TLN2: variants seen among roughly 807,000 people sequenced by gnomAD.
The protein encoded by TLN2 is talin-2.
TLN2 carries 118 observed loss-of-function variants against 294.7 expected under a neutral mutation model. That is an observed-to-expected ratio of 0.40 (90% confidence interval 0.34 to 0.47). The LOEUF (loss-of-function observed/expected upper bound fraction) is 0.47. TLN2 is among the 20% of genes least tolerant of loss of function. TLN2 has a pLI of 0.84. For synonymous variants in TLN2, 1,431 were observed against 1,304.5 expected, an observed-to-expected ratio of 1.10 and a Z score of -2.09; for missense variants, 3,083 against 3,282.2, an observed-to-expected ratio of 0.94 and a Z score of 1.48.
At chr15:62,466,510 A>C (rs1344021717) in intron 1 of TLN2, among the ~76,000 whole-genome samples, 1 of 152,224 alleles carries the variant, frequency 6.6e-6, no homozygotes, top group Non-Finnish European at 1.5e-5. Flanking sequence ...ACGTCTCCAG[A>C]CATTGCCAAA....
intron 1 of TLN2, among the ~76,000 whole-genome samples, chr15:62,562,860 G>A (rs1166826089): frequency 1.4e-5 from 2 of 147,310 alleles, no homozygotes; most frequent in African/African-American, 2.5e-5. Context: ...CTAGGTTGCT[G>A]CAAATGCCAT....
intron 2 of TLN2, among the ~76,000 whole-genome samples, chr15:62,597,946 C>T (rs1283547781): frequency 1.3e-5 from 2 of 152,112 alleles, no homozygotes; most frequent in South Asian, 4.1e-4. Context: ...TGGCAACACT[C>T]AGAAAGTTTC....
intron 45 of TLN2, among the ~76,000 whole-genome samples, chr15:62,787,693 C>CTTTTTTTTTTTTTTTTTTTTTTTTTT (rs71672889): frequency 1.5e-5 from 1 of 65,562 alleles, no homozygotes; most frequent in Non-Finnish European, 3.1e-5. Context: ...AACTCCTTAT[C>CTTTTTTTTTTTTTTTTTTTTTTTTTT]TTTTTTTTTT....
Position 62,805,651 on chromosome 15 carries a change from A to G in TLN2, c.6529A>G (p.Ile2177Val), listed in dbSNP as rs772157747. The G allele has an allele frequency of 5.6e-6, 9 of 1,614,124 alleles. No individual in the cohort carries two copies. Among genetic ancestry groups the G allele is most frequent in the South Asian group, 2.2e-5 (2 of 91,076 alleles). ...AAAGACATCATCACCTGAAGAATCC[A>G]TAAGGATGACGAAAGGCATCACCAT... ...PEKTSSPEES[I>V]RMTKGITMAT... The change falls in exon 51 of 59, where the codon ATA (isoleucine) becomes GTA (valine). Residue 2177 changes from isoleucine to valine, a missense_variant. By Grantham distance (29) the Ile-to-Val change is conservative (BLOSUM62 3). Coordinates refer to ENST00000636159, the MANE Select transcript of TLN2 (RefSeq NM_015059.3).
chr15:62,612,801 A>G (rs141100475), intron 2 of TLN2, among the ~76,000 whole-genome samples: 7 of 152,290 alleles, frequency 4.6e-5, no homozygotes, highest in South Asian at 2.1e-4. Flanking sequence ...TGATGATTTT[A>G]TGTTACGTAG....
intron 12 of TLN2, among the ~76,000 whole-genome samples, chr15:62,690,861 A>T (rs1370713480): frequency 1.3e-5 from 2 of 151,702 alleles, no homozygotes; most frequent in East Asian, 3.9e-4. Flanking sequence ...AAAAAATACG[A>T]AAACCAGTCA....
At chr15:62,711,198 C>T (rs1567424588) in intron 21 of TLN2, among the ~76,000 whole-genome samples, 1 of 152,154 alleles carries the variant, frequency 6.6e-6, no homozygotes, top group Non-Finnish European at 1.5e-5. Context: ...AGATTTGAAT[C>T]GTTCTATTTT....
At position 62,770,934 on chromosome 15, in the gene TLN2, A is replaced by G. The variant is rs202164753; in HGVS notation, c.5197-30A>G. On this transcript the variant is annotated intron_variant, in intron 41 of 58. Transcript: ENST00000636159. ...GGAGACACGTGTATTTACATGATAC[A>G]TCTCTGGCTTTTTTTTTTTTTTTTG... 1,367 of 1,573,920 alleles carry G rather than the reference A, an allele frequency of 8.7e-4. 5 individuals carry two copies. In the African/African-American group the frequency reaches 0.013, roughly 15 times the overall value.
In TLN2 at chr15:62,781,208, C is replaced by A; in HGVS notation, c.5583C>A (p.Tyr1861Ter). The change falls in exon 44 of 59, where the codon TAC becomes TAA. Residue 1861 changes from tyrosine (Y) to a stop codon, truncating the protein, a stop_gained. Transcript: ENST00000636159. LOFTEE classifies it high-confidence loss of function. The stretch of plus-strand genomic sequence containing the variant: ...ACTATCAGACGACTGTGGTTAAATA[C>A]TCCAAAGCCATTGCGGTGACAGCTC... ...FVDYQTTVVK[Y>*]SKAIAVTAQE... The A allele has an allele frequency of 6.2e-7, 1 of 1,614,148 alleles. No homozygotes were observed. Among genetic ancestry groups the A allele is most frequent in the Non-Finnish European group, 8.5e-7 (1 of 1,180,008 alleles).
At chr15:62,720,804 T>C (rs1418484301) in intron 25 of TLN2, among the ~76,000 whole-genome samples, 2 of 152,056 alleles carry the variant, frequency 1.3e-5, no homozygotes, top group African/African-American at 4.8e-5. Context: ...TTAACTTTTC[T>C]CTCATTATTG....
Position 62,835,915 on chromosome 15 carries a change from A to C in TLN2, c.7216A>C (p.Ser2406Arg). 6.2e-7 allele frequency: 1 copy of C among 1,614,190 alleles called. No individual in the cohort carries two copies. Among genetic ancestry groups the C allele is most frequent in the Non-Finnish European group, 8.5e-7 (1 of 1,180,030 alleles). The change falls in exon 57 of 59, where the codon AGC becomes CGC. Residue 2406 changes from serine (S) to arginine (R), a missense_variant. Transcript: ENST00000636159. The part of the protein sequence containing the change: ...SAARMVAAAT[S>R]SLCEAANASV... ...GGCCCGGATGGTGGCGGCTGCGACC[A>C]GCAGTCTCTGTGAGGCGGCCAATGC... is the stretch of plus-strand genomic sequence containing the variant.
At chr15:62,620,707 C>T (rs1425598550) in intron 3 of TLN2, among the ~76,000 whole-genome samples, 1 of 151,724 alleles carries the variant, frequency 6.6e-6, no homozygotes, top group African/African-American at 2.4e-5. Flanking sequence ...GTCTCAAACT[C>T]GTGGGCTCAA....
intron 45 of TLN2, among the ~76,000 whole-genome samples, chr15:62,790,777 C>A (rs1158449920): frequency 6.6e-6 from 1 of 152,220 alleles, no homozygotes; most frequent in Non-Finnish European, 1.5e-5. Flanking sequence ...TTCAAACCAA[C>A]AAACATGTCC....
intron 1 of TLN2, among the ~76,000 whole-genome samples, chr15:62,448,879 G>A (rs2035960233): frequency 1.3e-5 from 2 of 152,142 alleles, no homozygotes; most frequent in South Asian, 4.1e-4. Context: ...CGTGCTCTTC[G>A]AGTTTCTTCT....
intron 14 of TLN2, among the ~76,000 whole-genome samples, chr15:62,697,302 T>A (rs1402997827): frequency 6.6e-6 from 1 of 151,992 alleles, no homozygotes; most frequent in Non-Finnish European, 1.5e-5. Context: ...AGAGACGAGG[T>A]CTCATTATGT....
At chr15:62,715,633 GC>G (rs1239508245) in intron 22 of TLN2, among the ~76,000 whole-genome samples, 2 of 152,204 alleles carry the variant, frequency 1.3e-5, no homozygotes, top group African/African-American at 4.8e-5. Context: ...GGGCTGTGGG[GC>G]TGGACAAAGA....
intron 1 of TLN2, among the ~76,000 whole-genome samples, chr15:62,476,977 A>G (rs1429718339): frequency 1.3e-5 from 2 of 152,148 alleles, no homozygotes; most frequent in Admixed American, 1.3e-4. Context: ...TGCACTTAAA[A>G]CAGGTTAGAT....
intron 1 of TLN2, among the ~76,000 whole-genome samples, chr15:62,438,658 G>T (rs1448288204): frequency 6.6e-6 from 1 of 152,158 alleles, no homozygotes; most frequent in African/African-American, 2.4e-5. Flanking sequence ...CTGAGAATAA[G>T]GATGAGCACA....
At chr15:62,763,310 G>T (rs904850677) in intron 39 of TLN2, 2 of 320,014 alleles carry the variant, frequency 6.2e-6, no homozygotes, top group Admixed American at 1.0e-4. Flanking sequence ...GCAGTTGCCT[G>T]GTATCAGCCT....
Sources: gnomAD v4.1 joint callset for allele counts (sites outside exome capture counted in the v4.1 genomes callset) on GRCh38, gnomAD v4.1.1 for gene constraint, MANE v1.5 for transcripts, NCBI Gene and HGNC (gene_info 2026-07-23, HGNC 2026-07-21) for gene names.